The following IGFBP4 variants were observed in gnomAD, a reference collection of about 807,000 sequenced individuals.
IGFBP4 encodes the protein insulin-like growth factor-binding protein 4.
IGFBP4 carries 9 observed loss-of-function variants against 25.8 expected under a neutral mutation model. That is an observed-to-expected ratio of 0.35 (90% CI 0.21 to 0.61). The LOEUF (loss-of-function observed/expected upper bound fraction) is 0.61. IGFBP4 is among the 20% of genes least tolerant of loss of function. IGFBP4 has a pLI of 0.77. For synonymous variants in IGFBP4, 153 were observed against 153.9 expected, an observed-to-expected ratio of 0.99 and a Z score of 0.05; for missense variants, 315 against 365.3, an observed-to-expected ratio of 0.86 and a Z score of 1.12.
In IGFBP4 at chr17:40,453,719, C is replaced by T. The variant is rs1297259833; in HGVS notation, c.508-209C>T. Reference sequence around the variant, plus strand: ...TTCCCACCCCTCCTTTGAAGAAGCTCTTTGGCTCGAGACCCTTTCCTCCAC... The same window carrying T: ...TTCCCACCCCTCCTTTGAAGAAGCTTTTTGGCTCGAGACCCTTTCCTCCAC... On this transcript the variant is annotated intron_variant, in intron 2 of 3. Coordinates refer to ENST00000269593, the MANE Select transcript of IGFBP4 (RefSeq NM_001552.3). The surrounding 1 kb of genome is among the most constrained non-coding windows in gnomAD (Gnocchi z 4.0). Among the ~76,000 whole-genome samples the T allele has an allele frequency of 6.6e-6, 1 of 152,080 alleles. No individual in the cohort carries two copies. The highest frequency in any genetic ancestry group is 1.9e-4 in the East Asian group (1 of 5,170).
At chr17:40,454,915 T>C (rs1411150719) in intron 3 of IGFBP4, among the ~76,000 whole-genome samples, 6 of 152,108 alleles carry the variant, frequency 3.9e-5, no homozygotes, top group Non-Finnish European at 2.9e-5. Flanking sequence ...GAGCTGCCAC[T>C]CTGCCAGCAG....
intron 1 of IGFBP4, among the ~76,000 whole-genome samples, chr17:40,451,368 G>A (rs1404247746): frequency 1.3e-5 from 2 of 152,050 alleles, no homozygotes; most frequent in Non-Finnish European, 2.9e-5. Flanking sequence ...CTTTGGTGTG[G>A]AAGGTTATTG....
In IGFBP4 at chr17:40,447,476, G is replaced by A. The variant is rs1300621099; in HGVS notation, c.349+3392G>A. Among the ~76,000 whole-genome samples, 5 of 152,290 alleles carry A rather than the reference G, an allele frequency of 3.3e-5. No individual in the cohort carries two copies. In the East Asian group the frequency reaches 9.6e-4, roughly 29 times the overall value. The stretch of plus-strand genomic sequence containing the variant: ...AACAGGCAGGCTGGGTTAATTTTTA[G>A]TCAATGCAGCAAATTCTGCCCCCCT... On this transcript the variant is annotated intron_variant, in intron 1 of 3. Coordinates refer to ENST00000269593, the MANE Select transcript of IGFBP4 (RefSeq NM_001552.3).
In IGFBP4 at chr17:40,453,408, A is replaced by G. The variant is rs2035697289; in HGVS notation, c.507+266A>G. Among the ~76,000 whole-genome samples the G allele has an allele frequency of 6.6e-6, 1 of 152,140 alleles. No homozygotes were observed. The highest frequency in any genetic ancestry group is 2.4e-5 in the African/African-American group (1 of 41,420). ...GGGGCAGCTTAAGTGATTATTAAAT[A>G]CTGAAAAACTTCTATACCAATTGGT... On this transcript the variant is annotated intron_variant, in intron 2 of 3. Transcript: ENST00000269593. The surrounding 1 kb of genome is among the most constrained non-coding windows in gnomAD (Gnocchi z 4.0).
At chr17:40,449,320 C>T (rs139122376) in intron 1 of IGFBP4, among the ~76,000 whole-genome samples, 5 of 152,250 alleles carry the variant, frequency 3.3e-5, no homozygotes, top group Admixed American at 3.3e-4. Context: ...TATTTGTGAA[C>T]TTTGACTCGT....
chr17:40,449,740 C>T (rs1457020184), intron 1 of IGFBP4, among the ~76,000 whole-genome samples: 8 of 150,082 alleles, frequency 5.3e-5, no homozygotes, highest in Admixed American at 5.3e-4. Flanking sequence ...CAGAGCGAGA[C>T]TCCGTCTCAA....
intron 3 of IGFBP4, among the ~76,000 whole-genome samples, chr17:40,454,669 T>G (rs1317955471): frequency 6.6e-6 from 1 of 152,172 alleles, no homozygotes; most frequent in Admixed American, 6.5e-5. Context: ...AACTTCCCTA[T>G]TCCTTCCTGC....
chr17:40,445,577 C>T (rs1355599624), intron 1 of IGFBP4, among the ~76,000 whole-genome samples: 1 of 152,244 alleles, frequency 6.6e-6, no homozygotes, highest in Non-Finnish European at 1.5e-5. Context: ...CCTCTCTGCC[C>T]TTCCTGCCCC....
At position 40,453,208 on chromosome 17, in the gene IGFBP4, C is replaced by A; in HGVS notation, c.507+66C>A. On this transcript the variant is annotated intron_variant, in intron 2 of 3. Transcript: ENST00000269593. The surrounding 1 kb of genome is among the most constrained non-coding windows in gnomAD (Gnocchi z 4.0). ...CACACACACACATGCCCCCTGCCCC[C>A]CACATGCACGCACCCACACACACCA... 2.2e-5 allele frequency: 27 copies of A among 1,231,414 alleles called. No individual in the cohort carries two copies. Among genetic ancestry groups the A allele is most frequent in the East Asian group, 3.0e-5 (1 of 33,700 alleles). 76.3% of individuals were successfully genotyped at this position (1,231,414 alleles called of 1,614,324 possible).
rs569659490 is a variant in IGFBP4, at chr17:40,453,835, C to T, written c.508-93C>T. The stretch of plus-strand genomic sequence containing the variant: ...AGCCCCTGGGGCTCAGGCCTCCTTT[C>T]GGGGCCTTCAGTTCTCACTTAGCTC... On this transcript the variant is annotated intron_variant, in intron 2 of 3. Transcript: ENST00000269593. This position sits in a 1 kb window ranked among gnomAD's most constrained non-coding sequence, Gnocchi z 4.0. 59 of 936,490 alleles carry T rather than the reference C, an allele frequency of 6.3e-5. No homozygotes were observed. Among genetic ancestry groups the T allele is most frequent in the African/African-American group, 2.0e-4 (12 of 58,996 alleles). 58.0% of individuals were successfully genotyped at this position (936,490 alleles called of 1,614,324 possible).
intron 1 of IGFBP4, among the ~76,000 whole-genome samples, chr17:40,445,770 G>A (rs559148797): frequency 4.6e-5 from 7 of 152,238 alleles, no homozygotes; most frequent in South Asian, 2.1e-4. Flanking sequence ...CCTTGGGTTC[G>A]CGGGGTACAA....
rs771111470 is a variant in IGFBP4 at position 40,453,107 on chromosome 17, G to A, written c.472G>A (p.Val158Ile). 1.3e-6 allele frequency: 2 copies of A among 1,592,666 alleles called. No individual in the cohort carries two copies. The highest frequency in any genetic ancestry group is 1.7e-6 in the Non-Finnish European group (2 of 1,169,250). Reference protein sequence around the residue: ...DRSTSGGKMKVNGAPREDARP... With the variant: ...DRSTSGGKMKINGAPREDARP... ...GAGCACCAGTGGGGGCAAGATGAAG[G>A]TCAATGGGGCGCCCCGGGAGGATGC... is the stretch of plus-strand genomic sequence containing the variant. The change falls in exon 2 of 4, where the codon GTC becomes ATC. Residue 158 changes from valine (V) to isoleucine (I), a missense_variant. Transcript: ENST00000269593. This position sits in a 1 kb window ranked among gnomAD's most constrained non-coding sequence, Gnocchi z 4.0.
intron 3 of IGFBP4, 21 bp from the exon 4 acceptor site, chr17:40,456,428 C>T (rs2035714511): frequency 1.9e-6 from 3 of 1,613,846 alleles, no homozygotes; most frequent in African/African-American, 1.3e-5. Flanking sequence ...GAACTGACCC[C>T]TCATGTCCTT....
chr17:40,448,195 G>A (rs9895954), intron 1 of IGFBP4, among the ~76,000 whole-genome samples: 3 of 152,260 alleles, frequency 2.0e-5, no homozygotes, highest in African/African-American at 7.2e-5. Flanking sequence ...GGCCCACTCA[G>A]TTCATAGCCT....
intron 1 of IGFBP4, among the ~76,000 whole-genome samples, chr17:40,446,031 A>G (rs540091315): frequency 3.7e-4 from 56 of 152,028 alleles, no homozygotes; most frequent in Non-Finnish European, 6.9e-4. Context: ...TCCTCTGGAT[A>G]TAATGCAAAC....
At chr17:40,446,986 C>G (rs2035651117) in intron 1 of IGFBP4, among the ~76,000 whole-genome samples, 2 of 152,376 alleles carry the variant, frequency 1.3e-5, no homozygotes, top group South Asian at 4.1e-4. Context: ...ATCTTTTTAG[C>G]CTTACACAGT....
At chr17:40,452,018 T>C (rs1448336356) in intron 1 of IGFBP4, among the ~76,000 whole-genome samples, 3 of 152,080 alleles carry the variant, frequency 2.0e-5, no homozygotes, top group Non-Finnish European at 4.4e-5. Context: ...TTAAATTTTT[T>C]GTGAAGATGG....
chr17:40,453,270 A>G lies in IGFBP4; in HGVS notation c.507+128A>G. Reference sequence around the variant, plus strand: ...TCTGGGGCGTGTTCATTCAGCACACATTCTAGGGTGACTACTGTGTGCAAG... The same window carrying G: ...TCTGGGGCGTGTTCATTCAGCACACGTTCTAGGGTGACTACTGTGTGCAAG... On this transcript the variant is annotated intron_variant, in intron 2 of 3. Coordinates refer to ENST00000269593, the MANE Select transcript of IGFBP4 (RefSeq NM_001552.3). The surrounding 1 kb of genome is among the most constrained non-coding windows in gnomAD (Gnocchi z 4.0). 1 of 650,164 alleles carries G rather than the reference A, an allele frequency of 1.5e-6. No homozygotes were observed. The allele number at this position is 650,164 out of a possible 1,614,324, so 40.3% of individuals were successfully genotyped here.
At position 40,444,000 on chromosome 17, in the gene IGFBP4, C is replaced by A. The variant is rs1567799250; in HGVS notation, c.265C>A (p.Pro89Thr). Residue 89 changes from proline to threonine, a missense_variant, in exon 1 of 4, where the codon CCC (proline) becomes ACC (threonine). Coordinates refer to ENST00000269593, the MANE Select transcript of IGFBP4 (RefSeq NM_001552.3). ...CTACCCGCCCCGAGGGGTGGAGAAG[C>A]CCCTGCACACACTGATGCACGGGCA... ...RCYPPRGVEK[P>T]LHTLMHGQGV... is the part of the protein sequence containing the mutation. 6.5e-7 allele frequency: 1 copy of A among 1,535,388 alleles called. No homozygotes were observed. The highest frequency in any genetic ancestry group is 8.7e-7 in the Non-Finnish European group (1 of 1,146,506).
Sources: gnomAD v4.1 joint callset for allele counts (sites outside exome capture counted in the v4.1 genomes callset) on GRCh38, gnomAD v4.1.1 for gene constraint, Gnocchi (gnomAD v3.1) non-coding constraint, MANE v1.5 for transcripts, NCBI Gene and HGNC (gene_info 2026-07-23, HGNC 2026-07-21) for gene names.